The following CCDC85A variants were observed in gnomAD, a reference collection of about 807,000 sequenced individuals.
CCDC85A encodes coiled-coil domain containing 85A, also known as coiled-coil domain-containing protein 85A.
In CCDC85A, 38 loss-of-function variants were observed where a neutral mutation model predicts 50.2. The ratio of observed to expected loss-of-function variants is 0.76; its 90% CI spans 0.58 to 0.99. CCDC85A has a LOEUF of 0.99. Ranked by LOEUF, CCDC85A falls within the 50% of genes least tolerant of loss-of-function variation. The pLI is 0.00. For synonymous variants in CCDC85A, 366 were observed against 301.4 expected, an observed-to-expected ratio of 1.21 and a Z score of -2.22; for missense variants, 820 against 742.0, an observed-to-expected ratio of 1.11 and a Z score of -1.22.
In CCDC85A at chr2:56,219,999, G is replaced by A. The variant is rs141343724; in HGVS notation, c.1240+26559G>A. ...AAGAGTAGGAGGTGACCAACCATAT[G>A]GGGAAGAGGGAGAGCTTCACTAAGG... On this transcript the variant is annotated intron_variant, in intron 2 of 5. Coordinates refer to ENST00000407595, the MANE Select transcript of CCDC85A (RefSeq NM_001080433.2). Among the ~76,000 whole-genome samples, 265 of 152,084 alleles carry A rather than the reference G, an allele frequency of 1.7e-3. 2 individuals carry two copies. Among genetic ancestry groups the A allele is most frequent in the African/African-American group, 6.0e-3 (248 of 41,522 alleles).
intron 2 of CCDC85A, among the ~76,000 whole-genome samples, chr2:56,231,709 T>G (rs1275928887): frequency 6.6e-6 from 1 of 152,148 alleles, no homozygotes; most frequent in African/African-American, 2.4e-5. Context: ...TCAACCCTAA[T>G]ATTTGATGCT....
chr2:56,311,672 C>T (rs918002439), intron 2 of CCDC85A, among the ~76,000 whole-genome samples: 1 of 152,088 alleles, frequency 6.6e-6, no homozygotes, highest in Non-Finnish European at 1.5e-5. Context: ...TGTTCAGGCA[C>T]TGTGCTAAGA....
chr2:56,336,683 C>T (rs1238481442), intron 2 of CCDC85A, among the ~76,000 whole-genome samples: 1 of 152,154 alleles, frequency 6.6e-6, no homozygotes, highest in Non-Finnish European at 1.5e-5. Flanking sequence ...TAGGGTAACA[C>T]TGCCTTAGAA....
chr2:56,275,081 C>T (rs1390787898), intron 2 of CCDC85A, among the ~76,000 whole-genome samples: 3 of 152,048 alleles, frequency 2.0e-5, no homozygotes, highest in East Asian at 1.9e-4. Context: ...ACCACCATAT[C>T]GGGAGCTTGG....
At chr2:56,196,829 G>A (rs914925017) in intron 2 of CCDC85A, among the ~76,000 whole-genome samples, 1 of 149,752 alleles carries the variant, frequency 6.7e-6, no homozygotes, top group Non-Finnish European at 1.5e-5. Flanking sequence ...CAAATGAGAA[G>A]GAATAAATAG....
chr2:56,275,043 T>G (rs765045602), intron 2 of CCDC85A, among the ~76,000 whole-genome samples: 1 of 152,172 alleles, frequency 6.6e-6, no homozygotes, highest in Non-Finnish European at 1.5e-5. Context: ...CCAAATCTGA[T>G]TACCTCCCAA....
At chr2:56,243,807 T>G (rs1279369267) in intron 2 of CCDC85A, among the ~76,000 whole-genome samples, 1 of 152,204 alleles carries the variant, frequency 6.6e-6, no homozygotes, top group Non-Finnish European at 1.5e-5. Context: ...TGAAGGGACC[T>G]TGGTATTTTG....
At chr2:56,280,866 CTT>C (rs1347423433) in intron 2 of CCDC85A, among the ~76,000 whole-genome samples, 1 of 152,160 alleles carries the variant, frequency 6.6e-6, no homozygotes, top group East Asian at 1.9e-4. Flanking sequence ...ATAAAGTAAA[CTT>C]CAGATTATCC....
At chr2:56,344,199 T>A (rs1674516975) in intron 3 of CCDC85A, among the ~76,000 whole-genome samples, 1 of 152,182 alleles carries the variant, frequency 6.6e-6, no homozygotes, top group African/African-American at 2.4e-5. Context: ...GTTTAATTCA[T>A]GAATTAGACA....
intron 2 of CCDC85A, among the ~76,000 whole-genome samples, chr2:56,332,714 C>A (rs182375013): frequency 0.017 from 2,432 of 140,996 alleles, 56 homozygotes; most frequent in Middle Eastern, 0.044. Context: ...TCTCTCCCTG[C>A]TCTACCTTTT....
At chr2:56,327,593 C>T (rs960341848) in intron 2 of CCDC85A, among the ~76,000 whole-genome samples, 8 of 152,068 alleles carry the variant, frequency 5.3e-5, no homozygotes, top group African/African-American at 1.9e-4. Context: ...AATGATATCC[C>T]AGCCTACGGT....
At chr2:56,290,275 A>G (rs4672106) in intron 2 of CCDC85A, among the ~76,000 whole-genome samples, 26,507 of 151,958 alleles carry the variant, frequency 0.17, 3,063 homozygotes, top group African/African-American at 0.31. Context: ...GAGGTGTAAC[A>G]TTTTTGCTAA....
At chr2:56,212,685 C>T (rs1025673283) in intron 2 of CCDC85A, among the ~76,000 whole-genome samples, 1 of 152,010 alleles carries the variant, frequency 6.6e-6, no homozygotes, top group Non-Finnish European at 1.5e-5. Flanking sequence ...TGTGTACCCG[C>T]ACTGGTGACA....
At chr2:56,379,726 G>C in intron 5 of CCDC85A, 1 of 861,864 alleles carries the variant, frequency 1.2e-6, no homozygotes, top group Non-Finnish European at 1.4e-6. Flanking sequence ...TGTGAAATTT[G>C]CTTTTCTTTT....
In CCDC85A at chr2:56,321,894, A is replaced by G. The variant is rs184970656; in HGVS notation, c.1241-20985A>G. Among the ~76,000 whole-genome samples the G allele has an allele frequency of 3.7e-4, 56 of 152,336 alleles. 2 individuals carry two copies. Among genetic ancestry groups the G allele is most frequent in the Admixed American group, 3.6e-3 (55 of 15,296 alleles). On this transcript the variant is annotated intron_variant, in intron 2 of 5. Transcript: ENST00000407595. ...ATCAAGCTACCTGACTTCAAACTAT[A>G]CTACAAGGCTACAGTAACCAAAACA...
At chr2:56,204,405 C>T (rs761828133) in intron 2 of CCDC85A, among the ~76,000 whole-genome samples, 16 of 152,070 alleles carry the variant, frequency 1.1e-4, no homozygotes, top group Admixed American at 2.6e-4. Context: ...TTTTTTAAAT[C>T]TCATCCATCA....
rs369466571 is a variant in CCDC85A, at chr2:56,224,037, C to G, written c.1240+30597C>G. On this transcript the variant is annotated intron_variant, in intron 2 of 5. Coordinates refer to ENST00000407595, the MANE Select transcript of CCDC85A (RefSeq NM_001080433.2). ...TTAGTGTATATTCAGAGTTGTACAA[C>G]TATCACCACAAGTGACTTTAGAACA... Among the ~76,000 whole-genome samples the G allele has an allele frequency of 8.8e-4, 134 of 152,286 alleles. 1 individual carries two copies. Among genetic ancestry groups the G allele is most frequent in the African/African-American group, 3.1e-3 (130 of 41,572 alleles).
intron 2 of CCDC85A, among the ~76,000 whole-genome samples, chr2:56,249,108 G>A (rs1573098287): frequency 6.6e-6 from 1 of 152,246 alleles, no homozygotes; most frequent in East Asian, 1.9e-4. Flanking sequence ...ATATCCTGCA[G>A]ATGCTTGCCA....
intron 2 of CCDC85A, among the ~76,000 whole-genome samples, chr2:56,268,755 G>A (rs1558615194): frequency 6.6e-6 from 1 of 151,802 alleles, no homozygotes; most frequent in Non-Finnish European, 1.5e-5. Flanking sequence ...AACCTCTATT[G>A]TCCTTTATTA....
Sources: gnomAD v4.1 joint callset for allele counts (sites outside exome capture counted in the v4.1 genomes callset) on GRCh38, gnomAD v4.1.1 for gene constraint, MANE v1.5 for transcripts, NCBI Gene and HGNC (gene_info 2026-07-23, HGNC 2026-07-21) for gene names.